EHD3: variants seen among roughly 807,000 people sequenced by gnomAD.
The protein encoded by EHD3 is EH domain-containing protein 3.
A neutral mutation model predicts 43.0 loss-of-function variants in EHD3; 17 were observed. That is an observed-to-expected ratio of 0.40 (90% CI 0.27 to 0.59). The LOEUF is 0.59. Among genes scored for constraint, EHD3 ranks in the 20% least tolerant of loss-of-function variants. The pLI, the probability that EHD3 is intolerant of heterozygous loss-of-function variation, is 0.49. For synonymous variants in EHD3, 313 were observed against 289.5 expected (o/e 1.08, Z -0.82); for missense variants, 594 against 705.6 (o/e 0.84, Z 1.79).
chr2:31,260,571 C>T lies in EHD3; in HGVS notation c.564C>T (p.Leu188=). Residue 188 remains leucine, a synonymous_variant, in exon 4 of 6, where the codon CTC becomes CTT. Transcript: ENST00000322054. The surrounding 1 kb of genome is among the most constrained non-coding windows in gnomAD (Gnocchi z 4.6). ...FAERVDRIIL[L]FDAHKLDISD... is the part of the protein sequence containing the mutation. ...AGCGGGTTGACCGCATCATTCTGCT[C>T]TTCGATGCCCACAAACTGGACATCT... The T allele has an allele frequency of 6.2e-7, 1 of 1,614,096 alleles. No homozygotes were observed. The highest frequency in any genetic ancestry group is 1.3e-5 in the African/African-American group (1 of 75,040).
At position 31,245,542 on chromosome 2, in the gene EHD3, TATATATATATA is replaced by T. The variant is rs1180611233; in HGVS notation, c.404+1093_404+1103del. ...CTCTTATCCCAAATATATATATATATATATATATATATTTTTTTTTTTTTTTTTTTTTTGAT... is the reference window on the plus strand; with the variant it reads ...CTCTTATCCCAAATATATATATATATTTTTTTTTTTTTTTTTTTTTTTGAT... On this transcript the variant is annotated intron_variant, in intron 2 of 5. Transcript: ENST00000322054. Among the ~76,000 whole-genome samples, 27 of 53,348 alleles carry T rather than the reference TATATATATATA, an allele frequency of 5.1e-4. 1 individual carries two copies. The highest frequency in any genetic ancestry group is 1.9e-3 in the East Asian group (1 of 536). 35.0% of individuals were successfully genotyped at this position (53,348 alleles called of 152,430 possible).
Position 31,267,317 on chromosome 2 carries a change from TATTTC to T in EHD3, c.*618_*622del, listed in dbSNP as rs1392130116. ...CAAACCTTGCTTTGAACTCTGCCAGTATTTCATTTTAAAGAATCCCAGAGCGGGAG... is the reference window on the plus strand; with the variant it reads ...CAAACCTTGCTTTGAACTCTGCCAGTATTTTAAAGAATCCCAGAGCGGGAG... On this transcript the variant is annotated 3_prime_UTR_variant, in exon 6 of 6. Transcript: ENST00000322054. The T allele has an allele frequency of 6.6e-6, 1 of 152,214 alleles. No individual in the cohort carries two copies. The allele number at this position is 152,214 out of a possible 1,614,324, so 9.4% of individuals were successfully genotyped here.
Position 31,268,395 on chromosome 2 carries a change from C to T in EHD3, c.*1691C>T, listed in dbSNP as rs1386202491. ...AATACAGTACATTTATTCTTTGGTA[C>T]CTGCCTGGCCACAGAGCATCATTCA... On this transcript the variant is annotated 3_prime_UTR_variant, in exon 6 of 6. Transcript: ENST00000322054. The T allele has an allele frequency of 2.6e-5, 4 of 152,636 alleles. No homozygotes were observed. Among genetic ancestry groups the T allele is most frequent in the Non-Finnish European group, 5.9e-5 (4 of 68,048 alleles). 9.5% of individuals were successfully genotyped at this position (152,636 alleles called of 1,614,324 possible). A position where few individuals can be genotyped will look rare whatever the true frequency, so the allele number is the denominator to read the frequency against.
At chr2:31,245,553 A>ATATATAT (rs1446415610) in intron 2 of EHD3, among the ~76,000 whole-genome samples, 82 of 35,078 alleles carry the variant, frequency 2.3e-3, no homozygotes, top group African/African-American at 6.9e-3. Context: ...ATATATATAT[A>ATATATAT]TTTTTTTTTT....
At chr2:31,253,159 C>G (rs1387702275) in intron 3 of EHD3, among the ~76,000 whole-genome samples, 1 of 144,046 alleles carries the variant, frequency 6.9e-6, no homozygotes, top group Non-Finnish European at 1.5e-5. Flanking sequence ...TACGCACACA[C>G]CCACTCCCAC....
At chr2:31,265,104 G>A (rs1275114048) in intron 5 of EHD3, among the ~76,000 whole-genome samples, 5 of 152,130 alleles carry the variant, frequency 3.3e-5, no homozygotes, top group African/African-American at 1.2e-4. Flanking sequence ...ACACATGGAG[G>A]TGTCATCTCC....
At position 31,268,274 on chromosome 2, in the gene EHD3, A is replaced by C. The variant is rs973195437; in HGVS notation, c.*1570A>C. ...TGTGATGGAAAACAAAATGAGTATA[A>C]CTTATTTTATATCCATATTCAGACT... On this transcript the variant is annotated 3_prime_UTR_variant, in exon 6 of 6. Coordinates refer to ENST00000322054, the MANE Select transcript of EHD3 (RefSeq NM_014600.3). 6.6e-6 allele frequency: 1 copy of C among 152,604 alleles called. No individual in the cohort carries two copies. The highest frequency in any genetic ancestry group is 1.5e-5 in the Non-Finnish European group (1 of 68,042). 9.5% of individuals were successfully genotyped at this position (152,604 alleles called of 1,614,324 possible). A position where few individuals can be genotyped will look rare whatever the true frequency, so the allele number is the denominator to read the frequency against.
At chr2:31,241,519 T>A (rs649729) in intron 1 of EHD3, among the ~76,000 whole-genome samples, 100,457 of 152,078 alleles carry the variant, frequency 0.66, 34,177 homozygotes, top group East Asian at 0.89. Context: ...TCCCCAGAAC[T>A]CCCTGTGAGA....
rs1683285970 is a variant in EHD3 at position 31,234,543 on chromosome 2, G to A, written c.-79G>A. On this transcript the variant is annotated 5_prime_UTR_variant, in exon 1 of 6. Coordinates refer to ENST00000322054, the MANE Select transcript of EHD3 (RefSeq NM_014600.3). ...GCGGCGGCGCGGCTCGGAGCCCGGC[G>A]GACCGGTCCTACGGGACATCTTCCC... is the stretch of plus-strand genomic sequence containing the variant. The A allele has an allele frequency of 1.3e-6, 2 of 1,520,466 alleles. No homozygotes were observed. The highest frequency in any genetic ancestry group is 1.4e-5 in the African/African-American group (1 of 73,270). 94.2% of individuals were successfully genotyped at this position (1,520,466 alleles called of 1,614,324 possible).
intron 3 of EHD3, among the ~76,000 whole-genome samples, chr2:31,255,032 G>A (rs1683723891): frequency 6.6e-6 from 1 of 152,348 alleles, no homozygotes; most frequent in Non-Finnish European, 1.5e-5. Flanking sequence ...TTGTCTGATT[G>A]ATTTCCTCTT....
rs533527413 is a variant in EHD3, at chr2:31,268,332, C to T, written c.*1628C>T. 6.5e-6 allele frequency: 1 copy of T among 152,776 alleles called. No homozygotes were observed. Among genetic ancestry groups the T allele is most frequent in the East Asian group, 1.9e-4 (1 of 5,188 alleles). The allele number at this position is 152,776 out of a possible 1,614,324, so 9.5% of individuals were successfully genotyped here. A position where few individuals can be genotyped will look rare whatever the true frequency, so the allele number is the denominator to read the frequency against. On this transcript the variant is annotated 3_prime_UTR_variant, in exon 6 of 6. Coordinates refer to ENST00000322054, the MANE Select transcript of EHD3 (RefSeq NM_014600.3). ...GAATATTCTATGCATCTATGACGTG[C>T]TTACTACTGCAGTGCATTTGTCATT...
intron 1 of EHD3, among the ~76,000 whole-genome samples, chr2:31,243,460 C>CTTTCTTTCTTTCTTTCTTTTTTTTT (rs1553402472): frequency 1.0e-5 from 1 of 98,466 alleles, no homozygotes; most frequent in African/African-American, 4.6e-5. Flanking sequence ...TTCTTTCTTT[C>CTTTCTTTCTTTCTTTCTTTTTTTTT]TTTTTTTTTT....
In EHD3 at chr2:31,234,523, G is replaced by A; in HGVS notation, c.-99G>A. On this transcript the variant is annotated 5_prime_UTR_variant, in exon 1 of 6. Transcript: ENST00000322054. ...GAGCCCCGCGCTTGGGTGAGGCGGC[G>A]GCGCGGCTCGGAGCCCGGCGGACCG... 7.2e-7 allele frequency: 1 copy of A among 1,392,010 alleles called. No homozygotes were observed. Among genetic ancestry groups the A allele is most frequent in the East Asian group, 2.4e-5 (1 of 42,396 alleles). 86.2% of individuals were successfully genotyped at this position (1,392,010 alleles called of 1,614,324 possible).
At position 31,260,589 on chromosome 2, in the gene EHD3, G is replaced by A. The variant is rs745950962; in HGVS notation, c.582G>A (p.Leu194=). 1 of 1,614,152 alleles carries A rather than the reference G, an allele frequency of 6.2e-7. No individual in the cohort carries two copies. Among genetic ancestry groups the A allele is most frequent in the Non-Finnish European group, 8.5e-7 (1 of 1,180,024 alleles). The part of the protein sequence containing the change: ...RIILLFDAHK[L]DISDEFSEVI... ...TTCTGCTCTTCGATGCCCACAAACT[G>A]GACATCTCTGATGAGTTCTCAGAAG... Residue 194 remains leucine (L), a synonymous_variant, in exon 4 of 6, where the codon CTG becomes CTA. Transcript: ENST00000322054. This position sits in a 1 kb window ranked among gnomAD's most constrained non-coding sequence, Gnocchi z 4.6.
chr2:31,234,369 T>C lies in EHD3; in HGVS notation c.-253T>C. Reference sequence around the variant, plus strand: ...ATTGCCAAGATTTCACCCCTCCTCCTCAAGCCCAGATTATTTATCCTCCCT... The same window carrying C: ...ATTGCCAAGATTTCACCCCTCCTCCCCAAGCCCAGATTATTTATCCTCCCT... On this transcript the variant is annotated 5_prime_UTR_variant, in exon 1 of 6. Transcript: ENST00000322054. 1.9e-6 allele frequency: 1 copy of C among 525,220 alleles called. No individual in the cohort carries two copies. Among genetic ancestry groups the C allele is most frequent in the Non-Finnish European group, 3.4e-6 (1 of 292,118 alleles). The allele number at this position is 525,220 out of a possible 1,614,324, so 32.5% of individuals were successfully genotyped here.
intron 1 of EHD3, among the ~76,000 whole-genome samples, chr2:31,242,848 TAC>T: frequency 6.6e-6 from 1 of 152,204 alleles, no homozygotes; most frequent in South Asian, 2.1e-4. Flanking sequence ...TAATCCCAGC[TAC>T]TCGGGAGGCT....
chr2:31,249,833 C>T (rs1406989079), intron 3 of EHD3, among the ~76,000 whole-genome samples: 1 of 152,190 alleles, frequency 6.6e-6, no homozygotes, highest in Non-Finnish European at 1.5e-5. Context: ...CTCTGCAGGG[C>T]AGCCAAATGC....
In EHD3 at chr2:31,266,621, A is replaced by G. The variant is rs1683956284; in HGVS notation, c.1525A>G (p.Lys509Glu). The change falls in exon 6 of 6, where the codon AAA (lysine) becomes GAA (glutamate). Residue 509 changes from lysine (K) to glutamate (E), a missense_variant. Physicochemically the swap from Lys to Glu is moderately conservative, Grantham distance 56. Around this residue, in one of 3 missense-constraint regions of EHD3, gnomAD observed 322 missense variants for 348.0 expected, o/e 0.93. Coordinates refer to ENST00000322054, the MANE Select transcript of EHD3 (RefSeq NM_014600.3). This position sits in a 1 kb window ranked among gnomAD's most constrained non-coding sequence, Gnocchi z 5.1. ...DEFALANHLI[K>E]VKLEGHELPN... ...GTTTGCACTGGCCAACCACCTCATCAAAGTCAAGCTGGAGGGGCACGAGCT... is the reference window on the plus strand; with the variant it reads ...GTTTGCACTGGCCAACCACCTCATCGAAGTCAAGCTGGAGGGGCACGAGCT... 6.2e-7 allele frequency: 1 copy of G among 1,613,956 alleles called. No homozygotes were observed. The highest frequency in any genetic ancestry group is 1.7e-5 in the Admixed American group (1 of 60,010).
chr2:31,249,076 A>C (rs1329961337), intron 2 of EHD3, among the ~76,000 whole-genome samples: 2 of 152,216 alleles, frequency 1.3e-5, no homozygotes, highest in Non-Finnish European at 2.9e-5. Flanking sequence ...TTGATCACAC[A>C]TGAAGACCCA....
Sources: allele counts gnomAD v4.1 joint callset (sites outside exome capture counted in the v4.1 genomes callset), GRCh38; gene constraint gnomAD v4.1.1; regional missense constraint gnomAD v4.1.1; non-coding constraint Gnocchi (gnomAD v3.1); transcripts MANE v1.5; gene names NCBI Gene and HGNC (gene_info 2026-07-23, HGNC 2026-07-21).